SLC22A3: variants seen among roughly 807,000 people sequenced by gnomAD.
SLC22A3 encodes the protein solute carrier family 22 member 3.
SLC22A3 carries 51 observed loss-of-function variants against 59.1 expected under a neutral mutation model. The observed-to-expected ratio is 0.86, with a 90% CI of 0.69 to 1.09. SLC22A3 has a LOEUF of 1.09. Among genes scored for constraint, SLC22A3 ranks in the 50% least tolerant of loss-of-function variants. The pLI is 0.00. For synonymous variants in SLC22A3, 325 were observed against 292.0 expected (o/e 1.11, Z -1.15); for missense variants, 711 against 726.3 (o/e 0.98, Z 0.24).
At chr6:160,380,925 A>G (rs1013398636) in intron 1 of SLC22A3, among the ~76,000 whole-genome samples, 1 of 152,234 alleles carries the variant, frequency 6.6e-6, no homozygotes, top group African/African-American at 2.4e-5. Flanking sequence ...GAACTGAACC[A>G]GATATCTGCT....
At chr6:160,422,601 T>C (rs189170433) in intron 5 of SLC22A3, among the ~76,000 whole-genome samples, 180 of 152,346 alleles carry the variant, frequency 1.2e-3, no homozygotes, top group South Asian at 4.3e-3. Context: ...CTTTTTTCTC[T>C]GAATTTGGTG....
chr6:160,405,093 A>T (rs965022830), intron 2 of SLC22A3, among the ~76,000 whole-genome samples: 1 of 152,148 alleles, frequency 6.6e-6, no homozygotes, highest in African/African-American at 2.4e-5. Context: ...GAGAGACATT[A>T]TCAAGAGAAC....
chr6:160,449,289 A>G (rs1191048001), intron 10 of SLC22A3, among the ~76,000 whole-genome samples: 1 of 152,138 alleles, frequency 6.6e-6, no homozygotes, highest in African/African-American at 2.4e-5. Flanking sequence ...TGCAAGGAAA[A>G]TCAATACCCA....
Position 160,366,733 on chromosome 6 carries a change from C to G in SLC22A3, c.429+17885C>G, listed in dbSNP as rs565623078. 2.1e-4 allele frequency among the ~76,000 whole-genome samples: 32 copies of G among 152,268 alleles called. No individual in the cohort carries two copies. In the South Asian group the frequency reaches 6.6e-3, roughly 32 times the overall value. The stretch of plus-strand genomic sequence containing the variant: ...CCTTTGAAATCTAGATGGAGGTTCT[C>G]GAACCTCAATTCTTGTCCTCTGCCA... On this transcript the variant is annotated intron_variant, in intron 1 of 10. Coordinates refer to ENST00000275300, the MANE Select transcript of SLC22A3 (RefSeq NM_021977.4).
At chr6:160,426,761 A>T (rs1187912007) in intron 5 of SLC22A3, among the ~76,000 whole-genome samples, 2 of 152,012 alleles carry the variant, frequency 1.3e-5, no homozygotes, top group Non-Finnish European at 2.9e-5. Context: ...AGTAATTGTG[A>T]TCGGTGTTTT....
intron 1 of SLC22A3, among the ~76,000 whole-genome samples, chr6:160,355,753 CAGTT>C (rs1310626524): frequency 5.3e-5 from 8 of 151,932 alleles, no homozygotes; most frequent in Non-Finnish European, 1.5e-5. Flanking sequence ...GCCTGGGCGA[CAGTT>C]AGAGACTCTG....
intron 10 of SLC22A3, 33 bp downstream of exon 10, chr6:160,447,851 A>G: frequency 3.3e-6 from 5 of 1,493,732 alleles, no homozygotes; most frequent in Non-Finnish European, 4.7e-6. Context: ...CCCTAAATAA[A>G]AGCAATATTT....
intron 1 of SLC22A3, among the ~76,000 whole-genome samples, chr6:160,376,747 G>T (rs1201065198): frequency 6.6e-6 from 1 of 152,160 alleles, no homozygotes; most frequent in Non-Finnish European, 1.5e-5. Flanking sequence ...AGCTCTGTGA[G>T]GCCTTAAAGC....
intron 1 of SLC22A3, among the ~76,000 whole-genome samples, chr6:160,381,115 T>G (rs1414909868): frequency 6.6e-6 from 1 of 152,188 alleles, no homozygotes; most frequent in Non-Finnish European, 1.5e-5. Context: ...GGGGAGCTAC[T>G]GAAGGTTTTA....
intron 1 of SLC22A3, among the ~76,000 whole-genome samples, chr6:160,366,491 C>T (rs912139070): frequency 6.6e-6 from 1 of 152,166 alleles, no homozygotes; most frequent in African/African-American, 2.4e-5. Context: ...TGTGGCTTTT[C>T]TAGGCACACG....
chr6:160,399,948 G>A lies in SLC22A3; in HGVS notation c.533+1866G>A, dbSNP rs182882075. 3.5e-4 allele frequency among the ~76,000 whole-genome samples: 53 copies of A among 152,090 alleles called. No homozygotes were observed. In the Middle Eastern group the frequency reaches 0.014, roughly 39 times the overall value. The stretch of plus-strand genomic sequence containing the variant: ...GAATACAGAGAATCATAACACAGGC[G>A]CAGAAACCTCCTTGAGAGAGCCAGG... On this transcript the variant is annotated intron_variant, in intron 2 of 10. Transcript: ENST00000275300.
chr6:160,419,158 G>C (rs1274727388), intron 5 of SLC22A3, among the ~76,000 whole-genome samples: 1 of 152,078 alleles, frequency 6.6e-6, no homozygotes, highest in African/African-American at 2.4e-5. Context: ...ATTAGAAAGT[G>C]TCTTACTGAT....
intron 1 of SLC22A3, among the ~76,000 whole-genome samples, chr6:160,363,480 C>T (rs965062536): frequency 2.0e-5 from 3 of 151,980 alleles, no homozygotes; most frequent in South Asian, 2.1e-4. Flanking sequence ...CCTCAGGCTC[C>T]GGTTGTCACC....
At position 160,409,787 on chromosome 6, in the gene SLC22A3, G is replaced by A. The variant is rs185372541; in HGVS notation, c.857+866G>A. ...ATACCAGAACGCAAAATTTTAAGTA[G>A]GGTACTGCATTATGTTTTGTTTTGT... On this transcript the variant is annotated intron_variant, in intron 4 of 10. Coordinates refer to ENST00000275300, the MANE Select transcript of SLC22A3 (RefSeq NM_021977.4). 4.2e-3 allele frequency among the ~76,000 whole-genome samples: 638 copies of A among 152,274 alleles called. 8 individuals are homozygous for A. Among genetic ancestry groups the A allele is most frequent in the African/African-American group, 0.014 (599 of 41,556 alleles).
chr6:160,402,163 A>C (rs1252911769), intron 2 of SLC22A3, among the ~76,000 whole-genome samples: 1 of 152,006 alleles, frequency 6.6e-6, no homozygotes, highest in Non-Finnish European at 1.5e-5. Context: ...ATATACAGAC[A>C]CATATACACT....
chr6:160,436,929 T>A (rs1788358857), intron 6 of SLC22A3, 52 bp downstream of exon 6: 5 of 1,609,334 alleles, frequency 3.1e-6, no homozygotes, highest in Non-Finnish European at 8.5e-7. Flanking sequence ...TTACAATACA[T>A]CCCTTCCTTC....
intron 4 of SLC22A3, among the ~76,000 whole-genome samples, chr6:160,409,860 G>A (rs1171697209): frequency 6.6e-6 from 1 of 152,106 alleles, no homozygotes; most frequent in African/African-American, 2.4e-5. Context: ...ATATCTGCCA[G>A]TATTTCAACA....
At chr6:160,381,850 G>A (rs1282927790) in intron 1 of SLC22A3, among the ~76,000 whole-genome samples, 1 of 152,176 alleles carries the variant, frequency 6.6e-6, no homozygotes, top group African/African-American at 2.4e-5. Flanking sequence ...CACATGTGGT[G>A]ACAATAACAC....
intron 5 of SLC22A3, among the ~76,000 whole-genome samples, chr6:160,428,915 A>G (rs1352052119): frequency 6.6e-6 from 1 of 152,224 alleles, no homozygotes; most frequent in African/African-American, 2.4e-5. Flanking sequence ...GGTACCAGAT[A>G]GTGCTATTTC....
Sources: gnomAD v4.1 joint callset for allele counts (sites outside exome capture counted in the v4.1 genomes callset) on GRCh38, gnomAD v4.1.1 for gene constraint, MANE v1.5 for transcripts, NCBI Gene and HGNC (gene_info 2026-07-23, HGNC 2026-07-21) for gene names.